The following GMDS variants were observed in gnomAD, a reference collection of about 807,000 sequenced individuals.
GMDS encodes GDP-mannose 4,6 dehydratase.
A neutral mutation model predicts 49.9 loss-of-function variants in GMDS; 20 were observed. The observed-to-expected ratio is 0.40, with a 90% CI of 0.28 to 0.58. The LOEUF (loss-of-function observed/expected upper bound fraction) is 0.58, where lower values mean the gene tolerates loss of function less well. GMDS is among the 20% of genes least tolerant of loss of function. GMDS has a pLI of 0.42. For missense variants in GMDS, 362 were observed against 481.4 expected (o/e 0.75, Z 2.32); for synonymous variants, 177 against 178.6 (o/e 0.99, Z 0.07).
intron 2 of GMDS, among the ~76,000 whole-genome samples, chr6:2,122,452 T>C (rs987290116): frequency 1.5e-4 from 23 of 152,074 alleles, no homozygotes; most frequent in African/African-American, 5.6e-4. Context: ...ATAAAATACG[T>C]CCCTCTCTCA....
intron 7 of GMDS, among the ~76,000 whole-genome samples, chr6:1,789,216 C>T (rs1769431559): frequency 6.6e-6 from 1 of 152,238 alleles, no homozygotes. Context: ...AACGTGTTCA[C>T]TACCCAGAAG....
chr6:1,816,403 C>T (rs1185947789), intron 7 of GMDS, among the ~76,000 whole-genome samples: 1 of 152,120 alleles, frequency 6.6e-6, no homozygotes, highest in Non-Finnish European at 1.5e-5. Context: ...GACTGGATTC[C>T]AATTTTGTCT....
intron 4 of GMDS, among the ~76,000 whole-genome samples, chr6:2,015,402 T>C (rs931266351): frequency 6.6e-6 from 1 of 152,122 alleles, no homozygotes; most frequent in South Asian, 2.1e-4. Flanking sequence ...TAGCATACTT[T>C]CAAATAAAAA....
Position 1,690,780 on chromosome 6 carries a change from T to C in GMDS, c.987+35636A>G, listed in dbSNP as rs373586372. On this transcript the variant is annotated intron_variant, in intron 9 of 10. Coordinates refer to ENST00000380815, the MANE Select transcript of GMDS (RefSeq NM_001500.4). ...AAAAGAAGCTCAACATCGCTGATCA[T>C]TAGTGAAATGCAAATCAAAACCACA... Among the ~76,000 whole-genome samples the C allele has an allele frequency of 5.3e-5, 8 of 152,312 alleles. No individual in the cohort carries two copies. The South Asian group carries it at 8.3e-4, about 16-fold the overall frequency.
At chr6:1,758,588 G>A (rs1455521595) in intron 7 of GMDS, among the ~76,000 whole-genome samples, 2 of 152,198 alleles carry the variant, frequency 1.3e-5, no homozygotes, top group African/African-American at 4.8e-5. Context: ...AGATTAGAAC[G>A]CAGGCTGCTG....
At chr6:2,175,314 G>C (rs1778222276) in intron 1 of GMDS, among the ~76,000 whole-genome samples, 1 of 152,140 alleles carries the variant, frequency 6.6e-6, no homozygotes, top group Admixed American at 6.5e-5. Context: ...ACCTTTAAAA[G>C]TCTCAGCAAT....
chr6:1,722,850 A>G (rs1766433139), intron 9 of GMDS, among the ~76,000 whole-genome samples: 1 of 152,244 alleles, frequency 6.6e-6, no homozygotes, highest in Non-Finnish European at 1.5e-5. Context: ...AGGGGTCTTA[A>G]GTGGCACAGA....
intron 4 of GMDS, among the ~76,000 whole-genome samples, chr6:2,091,049 G>C (rs976445181): frequency 6.6e-6 from 1 of 152,002 alleles, no homozygotes; most frequent in South Asian, 2.1e-4. Flanking sequence ...TTCCACTTTT[G>C]AGTTGCCAAC....
chr6:1,744,674 A>T (rs1411593979), intron 7 of GMDS, among the ~76,000 whole-genome samples: 1 of 152,146 alleles, frequency 6.6e-6, no homozygotes, highest in African/African-American at 2.4e-5. Context: ...TGTCTTTCTG[A>T]AAGGGGCACC....
At chr6:1,943,717 C>A (rs775071154) in intron 6 of GMDS, among the ~76,000 whole-genome samples, 20 of 152,174 alleles carry the variant, frequency 1.3e-4, no homozygotes, top group Non-Finnish European at 2.2e-4. Context: ...CAGTTCAGAA[C>A]AAAGAAATTA....
chr6:1,941,542 G>A (rs1762824199), intron 6 of GMDS, among the ~76,000 whole-genome samples: 1 of 152,166 alleles, frequency 6.6e-6, no homozygotes, highest in South Asian at 2.1e-4. Flanking sequence ...GTGGACAAAA[G>A]TCCAAGGAAG....
intron 4 of GMDS, among the ~76,000 whole-genome samples, chr6:2,091,887 C>A (rs759531891): frequency 1.3e-5 from 2 of 151,438 alleles, no homozygotes; most frequent in Non-Finnish European, 2.9e-5. Context: ...CAGAGCAAGA[C>A]CCTATCTCAG....
chr6:1,833,165 A>G lies in GMDS; in HGVS notation c.772-90579T>C, dbSNP rs1435705542. ...TTTTTTTTTTAAACTAATGCACTGGAAGGGGGCAAAGGGTGGCATGGACCC... is the reference window on the plus strand; with the variant it reads ...TTTTTTTTTTAAACTAATGCACTGGGAGGGGGCAAAGGGTGGCATGGACCC... On this transcript the variant is annotated intron_variant, in intron 7 of 10. Coordinates refer to ENST00000380815, the MANE Select transcript of GMDS (RefSeq NM_001500.4). This position sits in a 1 kb window ranked among gnomAD's most constrained non-coding sequence, Gnocchi z 4.4. Among the ~76,000 whole-genome samples the G allele has an allele frequency of 6.9e-6, 1 of 145,676 alleles. No individual in the cohort carries two copies. Among genetic ancestry groups the G allele is most frequent in the Non-Finnish European group, 1.5e-5 (1 of 66,982 alleles).
At chr6:2,243,149 G>A (rs1003752457) in intron 1 of GMDS, among the ~76,000 whole-genome samples, 5 of 152,174 alleles carry the variant, frequency 3.3e-5, no homozygotes, top group Non-Finnish European at 7.3e-5. Context: ...AACCCAACCT[G>A]AAAGCCATGC....
intron 7 of GMDS, among the ~76,000 whole-genome samples, chr6:1,846,244 C>T (rs968511074): frequency 6.6e-6 from 1 of 151,988 alleles, no homozygotes; most frequent in Non-Finnish European, 1.5e-5. Flanking sequence ...AGGTGTGTGC[C>T]GCCATGTCCA....
At chr6:2,130,891 G>A (rs1775699992) in intron 1 of GMDS, among the ~76,000 whole-genome samples, 1 of 151,820 alleles carries the variant, frequency 6.6e-6, no homozygotes, top group African/African-American at 2.4e-5. Context: ...TTTTTTGACT[G>A]GTAGTAACAC....
chr6:2,052,711 G>A lies in GMDS; in HGVS notation c.345+63060C>T, dbSNP rs150060401. On this transcript the variant is annotated intron_variant, in intron 4 of 10. Coordinates refer to ENST00000380815, the MANE Select transcript of GMDS (RefSeq NM_001500.4). ...CAATTGTAAGAATTCTCTTCCCCCA[G>A]CCAGTGGAATAGAATACAGGAGAAA... is the stretch of plus-strand genomic sequence containing the variant. Among the ~76,000 whole-genome samples the A allele has an allele frequency of 4.7e-3, 722 of 152,310 alleles. 9 individuals carry two copies. The highest frequency in any genetic ancestry group is 0.037 in the Middle Eastern group (11 of 294).
chr6:2,162,549 T>G (rs1042852400), intron 1 of GMDS, among the ~76,000 whole-genome samples: 1 of 152,132 alleles, frequency 6.6e-6, no homozygotes, highest in Admixed American at 6.5e-5. Flanking sequence ...GTCTCATGTA[T>G]TCAGGGTTAG....
At chr6:1,651,554 AGGGCGT>A (rs2113213947) in intron 9 of GMDS, among the ~76,000 whole-genome samples, 1 of 152,332 alleles carries the variant, frequency 6.6e-6, no homozygotes, top group African/African-American at 2.4e-5. Context: ...GGCCGCACCC[AGGGCGT>A]GGGACATACT....
Sources: allele counts gnomAD v4.1 joint callset (sites outside exome capture counted in the v4.1 genomes callset), GRCh38; gene constraint gnomAD v4.1.1; non-coding constraint Gnocchi (gnomAD v3.1); transcripts MANE v1.5; gene names NCBI Gene and HGNC (gene_info 2026-07-23, HGNC 2026-07-21).